Variants in EYS observed in about 807,000 individuals in gnomAD.
EYS encodes the protein protein eyes shut homolog.
EYS carries 250 observed loss-of-function variants against 282.1 expected under a neutral mutation model. The ratio of observed to expected loss-of-function variants is 0.89; its 90% confidence interval spans 0.80 to 0.98. The LOEUF (loss-of-function observed/expected upper bound fraction) is 0.98. Ranked by LOEUF, EYS falls within the 50% of genes least tolerant of loss-of-function variation. EYS has a pLI of 0.00. For synonymous variants in EYS, 1,355 were observed against 1,282.9 expected, an observed-to-expected ratio of 1.06 and a Z score of -1.20; for missense variants, 4,016 against 3,709.0, an observed-to-expected ratio of 1.08 and a Z score of -2.15.
intron 37 of EYS, among the ~76,000 whole-genome samples, chr6:63,790,653 T>C (rs1770487126): frequency 6.6e-6 from 1 of 152,170 alleles, no homozygotes; most frequent in Admixed American, 6.5e-5. Flanking sequence ...AAAACATAGA[T>C]TCAGGAAGGC....
chr6:65,635,378 A>T (rs868489274), intron 2 of EYS, among the ~76,000 whole-genome samples: 1 of 152,164 alleles, frequency 6.6e-6, no homozygotes, highest in Admixed American at 6.5e-5. Flanking sequence ...AGTAAAAGAG[A>T]TCTGATTTAA....
At chr6:64,980,419 C>A (rs1462231685) in intron 14 of EYS, among the ~76,000 whole-genome samples, 1 of 151,366 alleles carries the variant, frequency 6.6e-6, no homozygotes, top group African/African-American at 2.4e-5. Flanking sequence ...CAAGATAATT[C>A]TCCAGAATGC....
chr6:64,061,341 C>T (rs1168652559), intron 33 of EYS, among the ~76,000 whole-genome samples: 3 of 152,108 alleles, frequency 2.0e-5, no homozygotes. Flanking sequence ...TCTGAACTTC[C>T]CCAAAAGAGA....
chr6:64,233,792 G>C (rs1766502318), intron 30 of EYS, among the ~76,000 whole-genome samples: 1 of 152,188 alleles, frequency 6.6e-6, no homozygotes, highest in Admixed American at 6.5e-5. Flanking sequence ...ACTGGAGAAA[G>C]ACACCTTGAT....
At position 63,777,862 on chromosome 6, in the gene EYS, C is replaced by T. The variant is rs976689835; in HGVS notation, c.7898+144G>A. 5 of 769,508 alleles carry T rather than the reference C, an allele frequency of 6.5e-6. No homozygotes were observed. The Admixed American group carries it at 1.2e-4, about 18-fold the overall frequency. 47.7% of individuals were successfully genotyped at this position (769,508 alleles called of 1,614,324 possible). On this transcript the variant is annotated intron_variant, in intron 40 of 42. Transcript: ENST00000503581. ...TTTTAGTTGCCTTCACCTGTCCTCC[C>T]ATCATGTAACAAGTCTACATAAGAA...
At chr6:64,036,041 T>C (rs1035537007) in intron 33 of EYS, among the ~76,000 whole-genome samples, 1 of 152,220 alleles carries the variant, frequency 6.6e-6, no homozygotes, top group African/African-American at 2.4e-5. Flanking sequence ...TGATTTACAC[T>C]TGTTCTTTCT....
chr6:65,246,312 G>C (rs1767178063), intron 12 of EYS, among the ~76,000 whole-genome samples: 1 of 152,020 alleles, frequency 6.6e-6, no homozygotes, highest in South Asian at 2.1e-4. Context: ...CCTATATTGT[G>C]AATATGAAAA....
In EYS at chr6:63,789,175, C is replaced by T. The variant is rs1582208753; in HGVS notation, c.7461G>A (p.Val2487=). 1.3e-6 allele frequency: 2 copies of T among 1,551,834 alleles called. No homozygotes were observed. Among genetic ancestry groups the T allele is most frequent in the African/African-American group, 1.4e-5 (1 of 73,160 alleles). ...FLAVGLLNGS[V]VYSYNLGSGI... is the part of the protein sequence containing the mutation. Reference sequence around the variant, plus strand: ...CAGACCCCAGGTTATAACTATAAACCACACTGCCATTGAGCAGGCCCACAG... The same window carrying T: ...CAGACCCCAGGTTATAACTATAAACTACACTGCCATTGAGCAGGCCCACAG... Residue 2487 remains valine, a synonymous_variant, in exon 38 of 43, where the codon GTG becomes GTA. Transcript: ENST00000503581.
intron 29 of EYS, among the ~76,000 whole-genome samples, chr6:64,329,063 T>C (rs1770535728): frequency 6.6e-6 from 1 of 152,116 alleles, no homozygotes; most frequent in African/African-American, 2.4e-5. Flanking sequence ...ATTATTATTA[T>C]GAGGACTGAG....
chr6:64,905,544 G>T (rs1296571895), intron 16 of EYS, among the ~76,000 whole-genome samples: 3 of 152,088 alleles, frequency 2.0e-5, no homozygotes, highest in African/African-American at 7.2e-5. Context: ...CACACGAATG[G>T]TCAGTAAATG....
intron 29 of EYS, among the ~76,000 whole-genome samples, chr6:64,364,633 CTAAT>C (rs907389355): frequency 6.6e-6 from 1 of 151,750 alleles, no homozygotes; most frequent in Admixed American, 6.6e-5. Context: ...AAAAATCAAT[CTAAT>C]TAACCCAAAT....
chr6:63,961,434 C>T (rs1198317374), intron 35 of EYS, among the ~76,000 whole-genome samples: 2 of 151,846 alleles, frequency 1.3e-5, no homozygotes, highest in Non-Finnish European at 2.9e-5. Flanking sequence ...GACCCCCGCC[C>T]CTGCCTGCAA....
intron 21 of EYS, among the ~76,000 whole-genome samples, chr6:64,814,727 C>A (rs1485843795): frequency 6.6e-6 from 1 of 151,938 alleles, no homozygotes; most frequent in Non-Finnish European, 1.5e-5. Context: ...ATTAGTAAAA[C>A]TGTTTATTTT....
intron 26 of EYS, among the ~76,000 whole-genome samples, chr6:64,485,137 C>T (rs1020408992): frequency 3.3e-5 from 5 of 151,598 alleles, no homozygotes; most frequent in Admixed American, 2.0e-4. Context: ...GAAAGTGCTG[C>T]CTCTACTGTG....
Position 64,849,416 on chromosome 6 carries a change from G to C in EYS, c.2993-26594C>G, listed in dbSNP as rs1390419806. ...ATATTTGAAACTAGAAATGTCTTGG[G>C]CTTTAGTCTTTCTGTTGTCACATTT... On this transcript the variant is annotated intron_variant, in intron 19 of 42. Coordinates refer to ENST00000503581, the MANE Select transcript of EYS (RefSeq NM_001142800.2). Among the ~76,000 whole-genome samples, 7 of 152,020 alleles carry C rather than the reference G, an allele frequency of 4.6e-5. No individual in the cohort carries two copies. The South Asian group carries it at 1.0e-3, about 23-fold the overall frequency.
intron 14 of EYS, among the ~76,000 whole-genome samples, chr6:64,964,791 G>A (rs9354192): frequency 0.35 from 53,810 of 151,916 alleles, 11,560 homozygotes; most frequent in Admixed American, 0.49. Context: ...CAGGACATTG[G>A]GAGGCCAAGG....
At chr6:64,172,209 ATC>A (rs1764498506) in intron 31 of EYS, among the ~76,000 whole-genome samples, 1 of 151,674 alleles carries the variant, frequency 6.6e-6, no homozygotes, top group African/African-American at 2.4e-5. Flanking sequence ...TTTCTTTGTC[ATC>A]TTTTTTTTTT....
intron 39 of EYS, among the ~76,000 whole-genome samples, chr6:63,780,235 T>A (rs941997122): frequency 6.6e-6 from 1 of 152,212 alleles, no homozygotes; most frequent in Non-Finnish European, 1.5e-5. Flanking sequence ...TATAGCAGCA[T>A]GTTTTATAAT....
At chr6:64,315,300 G>A (rs1256775872) in intron 29 of EYS, among the ~76,000 whole-genome samples, 2 of 152,156 alleles carry the variant, frequency 1.3e-5, no homozygotes, top group Admixed American at 1.3e-4. Context: ...AAAACGTCCA[G>A]GATCAGATGG....
Sources: allele counts gnomAD v4.1 joint callset (sites outside exome capture counted in the v4.1 genomes callset), GRCh38; gene constraint gnomAD v4.1.1; transcripts MANE v1.5; gene names NCBI Gene and HGNC (gene_info 2026-07-23, HGNC 2026-07-21).